Variants in TMEM87A observed in about 807,000 individuals in gnomAD.
TMEM87A encodes the protein transmembrane protein 87A.
In TMEM87A, 50 loss-of-function variants were observed where a neutral mutation model predicts 90.0. The observed-to-expected ratio is 0.56, with a 90% CI of 0.44 to 0.70. The LOEUF (loss-of-function observed/expected upper bound fraction) is 0.70, where lower values mean the gene tolerates loss of function less well. TMEM87A is among the 30% of genes least tolerant of loss of function. TMEM87A has a pLI of 0.00. For missense variants in TMEM87A, 577 were observed against 660.5 expected, an observed-to-expected ratio of 0.87 and a Z score of 1.39; for synonymous variants, 226 against 226.7, an observed-to-expected ratio of 1.00 and a Z score of 0.03.
chr15:42,234,836 C>A (rs1256361013), intron 10 of TMEM87A, among the ~76,000 whole-genome samples: 1 of 152,180 alleles, frequency 6.6e-6, no homozygotes, highest in Non-Finnish European at 1.5e-5. Context: ...CTATCAGGAT[C>A]TCTTGACACA....
rs2050406788 is a variant in TMEM87A at position 42,217,784 on chromosome 15, A to G, written c.1626+19T>C. The G allele has an allele frequency of 6.2e-7, 1 of 1,610,846 alleles. No homozygotes were observed. The highest frequency in any genetic ancestry group is 1.7e-5 in the Admixed American group (1 of 59,264). On this transcript the variant is annotated intron_variant, in intron 19 of 19. Coordinates refer to ENST00000389834, the MANE Select transcript of TMEM87A (RefSeq NM_015497.5). ...TAGTCACCATATACATAATTTATGC[A>G]CGTGAATTGAGTACCAACCTCATCT...
At chr15:42,237,791 G>C (rs567867872) in intron 8 of TMEM87A, among the ~76,000 whole-genome samples, 176 bp from the exon 9 acceptor site, 3 of 151,548 alleles carry the variant, frequency 2.0e-5, no homozygotes, top group Non-Finnish European at 4.4e-5. Context: ...GCCTCCCAAA[G>C]TGTTGGGATT....
At chr15:42,265,610 T>C (rs1330821412) in intron 3 of TMEM87A, among the ~76,000 whole-genome samples, 2 of 152,234 alleles carry the variant, frequency 1.3e-5, no homozygotes, top group African/African-American at 2.4e-5. Flanking sequence ...TAGACCTTTG[T>C]TGGATGCATA....
rs1210860265 is a variant in TMEM87A at position 42,219,483 on chromosome 15, CA to C, written c.1539+97del. On this transcript the variant is annotated intron_variant, in intron 17 of 19. Transcript: ENST00000389834. ...TACAAAAAAAAATCATTGCCAAGAC[CA>C]ATGTCACAGAATTTTCCTCCTGTTT... The C allele has an allele frequency of 3.1e-6, 3 of 973,946 alleles. No individual in the cohort carries two copies. In the African/African-American group the frequency reaches 5.1e-5, roughly 17 times the overall value. 60.3% of individuals were successfully genotyped at this position (973,946 alleles called of 1,614,324 possible).
At chr15:42,242,591 A>G (rs1336794364) in intron 7 of TMEM87A, among the ~76,000 whole-genome samples, 4 of 152,146 alleles carry the variant, frequency 2.6e-5, no homozygotes, top group Admixed American at 1.3e-4. Context: ...ACAGACAGAC[A>G]GAGAGAATAT....
intron 8 of TMEM87A, among the ~76,000 whole-genome samples, chr15:42,238,593 A>G (rs754150957): frequency 3.0e-4 from 46 of 151,788 alleles, no homozygotes; most frequent in Non-Finnish European, 5.4e-4. Flanking sequence ...ATAAAATAAA[A>G]TAAAAATTAG....
chr15:42,220,784 A>ATTAT (rs962068512), intron 15 of TMEM87A, among the ~76,000 whole-genome samples: 1 of 151,818 alleles, frequency 6.6e-6, no homozygotes, highest in Admixed American at 6.6e-5. Flanking sequence ...TATTTGTTTT[A>ATTAT]TTATTTATTT....
chr15:42,258,869 A>T, intron 6 of TMEM87A: 1 of 1,517,702 alleles, frequency 6.6e-7, no homozygotes, highest in Non-Finnish European at 8.8e-7. Flanking sequence ...CTGAAAATCT[A>T]CTCATCCATA....
intron 19 of TMEM87A, 131 bp from the exon 20 acceptor site, chr15:42,211,880 T>C (rs1486687568): frequency 2.4e-6 from 2 of 842,778 alleles, no homozygotes; most frequent in Non-Finnish European, 3.7e-6. Flanking sequence ...AGAGAAATGG[T>C]TCCTAAACAT....
intron 3 of TMEM87A, 21 bp downstream of exon 3, chr15:42,267,926 C>T (rs746507706): frequency 6.3e-7 from 1 of 1,595,700 alleles, no homozygotes; most frequent in East Asian, 2.3e-5. Flanking sequence ...CAAAAAAACT[C>T]TGTAATTTTA....
chr15:42,216,642 A>T (rs982995633), intron 19 of TMEM87A, among the ~76,000 whole-genome samples: 2 of 152,228 alleles, frequency 1.3e-5, no homozygotes, highest in African/African-American at 4.8e-5. Flanking sequence ...GGAACAGCAG[A>T]ATATACCACA....
At chr15:42,231,786 G>T in intron 11 of TMEM87A, 2 of 873,116 alleles carry the variant, frequency 2.3e-6, no homozygotes, top group Non-Finnish European at 1.5e-6. Flanking sequence ...AGTTTATATA[G>T]AGTATGTTTT....
intron 3 of TMEM87A, 144 bp from the exon 4 acceptor site, chr15:42,264,347 T>G: frequency 1.7e-6 from 1 of 587,728 alleles, no homozygotes; most frequent in Non-Finnish European, 3.0e-6. Flanking sequence ...AGATAAAGGC[T>G]CTATATAAAA....
chr15:42,217,706 A>T, intron 19 of TMEM87A, 97 bp downstream of exon 19: 1 of 1,216,594 alleles, frequency 8.2e-7, no homozygotes, highest in Non-Finnish European at 1.2e-6. Flanking sequence ...TCAGGCCACT[A>T]CTGAGTCAAA....
At chr15:42,245,100 TAAAC>T (rs2140953693) in intron 6 of TMEM87A, among the ~76,000 whole-genome samples, 1 of 152,242 alleles carries the variant, frequency 6.6e-6, no homozygotes, top group South Asian at 2.1e-4. Context: ...CAAAGCAGAC[TAAAC>T]AATTCTCCAG....
At chr15:42,246,477 G>C (rs1458518500) in intron 6 of TMEM87A, among the ~76,000 whole-genome samples, 3 of 152,016 alleles carry the variant, frequency 2.0e-5, no homozygotes, top group Non-Finnish European at 2.9e-5. Flanking sequence ...CCCACTGTGT[G>C]ATGTTCCCCG....
intron 3 of TMEM87A, among the ~76,000 whole-genome samples, chr15:42,267,716 C>T (rs2051433622): frequency 6.6e-6 from 1 of 152,142 alleles, no homozygotes; most frequent in African/African-American, 2.4e-5. Flanking sequence ...TTTCTAATAG[C>T]ATAACCCACA....
At chr15:42,264,935 A>G (rs1210471815) in intron 3 of TMEM87A, among the ~76,000 whole-genome samples, 2 of 151,924 alleles carry the variant, frequency 1.3e-5, no homozygotes, top group Non-Finnish European at 1.5e-5. Context: ...GCTCCCACTT[A>G]TAAGTGAAAA....
intron 15 of TMEM87A, among the ~76,000 whole-genome samples, chr15:42,225,653 T>C (rs2140925456): frequency 6.6e-6 from 1 of 152,244 alleles, no homozygotes; most frequent in East Asian, 1.9e-4. Context: ...TGCCTCAGCC[T>C]CCCGAGTAGC....
Sources: gnomAD v4.1 joint callset for allele counts (sites outside exome capture counted in the v4.1 genomes callset) on GRCh38, gnomAD v4.1.1 for gene constraint, MANE v1.5 for transcripts, NCBI Gene and HGNC (gene_info 2026-07-23, HGNC 2026-07-21) for gene names.